The following ZNF609 variants were observed in gnomAD, a reference collection of about 807,000 sequenced individuals.
The protein encoded by ZNF609 is zinc finger protein 609.
A neutral mutation model predicts 109.5 loss-of-function variants in ZNF609; 11 were observed. The observed-to-expected ratio is 0.10, with a 90% confidence interval of 0.06 to 0.17. The LOEUF (loss-of-function observed/expected upper bound fraction) is 0.17. Among genes scored for constraint, ZNF609 ranks in the 10% least tolerant of loss-of-function variants. The pLI is 1.00. For missense variants in ZNF609, 1,559 were observed against 1,772.4 expected (o/e 0.88, Z 2.16); for synonymous variants, 646 against 662.0 (o/e 0.98, Z 0.37).
chr15:64,627,444 A>G (rs1440049003), intron 3 of ZNF609, among the ~76,000 whole-genome samples: 2 of 152,160 alleles, frequency 1.3e-5, no homozygotes, highest in Admixed American at 6.5e-5. Flanking sequence ...GGCCAATACC[A>G]GTGATGTAGT....
chr15:64,665,958 C>T (rs1287224108), intron 3 of ZNF609, among the ~76,000 whole-genome samples: 4 of 151,514 alleles, frequency 2.6e-5, no homozygotes, highest in African/African-American at 9.7e-5. Flanking sequence ...TAAACAAATG[C>T]CAGCTACTCA....
chr15:64,587,802 A>T (rs1481650796), intron 2 of ZNF609, among the ~76,000 whole-genome samples: 1 of 152,172 alleles, frequency 6.6e-6, no homozygotes, highest in South Asian at 2.1e-4. Context: ...CTGATTGTCT[A>T]TGGATGTGGT....
At chr15:64,494,959 A>C (rs79699618) in intron 1 of ZNF609, among the ~76,000 whole-genome samples, 1,979 of 152,308 alleles carry the variant, frequency 0.013, 32 homozygotes, top group African/African-American at 0.046. Context: ...TCTGTAGTAC[A>C]TCCTTTCAGT....
At chr15:64,519,119 C>CG (rs1372403799) in intron 2 of ZNF609, among the ~76,000 whole-genome samples, 2 of 5,670 alleles carry the variant, frequency 3.5e-4, no homozygotes, top group Admixed American at 1.9e-3. Context: ...GGGTGCAGGG[C>CG]GGGGGGCGGG....
intron 2 of ZNF609, among the ~76,000 whole-genome samples, chr15:64,571,171 C>T (rs1261187286): frequency 1.3e-5 from 2 of 151,918 alleles, no homozygotes. Context: ...GGTGTTTATC[C>T]AAGAGGGGAA....
At chr15:64,606,865 T>C (rs1308339461) in intron 2 of ZNF609, among the ~76,000 whole-genome samples, 1 of 151,906 alleles carries the variant, frequency 6.6e-6, no homozygotes, top group Admixed American at 6.6e-5. Flanking sequence ...AGGCATGGGC[T>C]GGGCGTGGTG....
chr15:64,508,869 A>AC (rs1893676413), intron 2 of ZNF609, among the ~76,000 whole-genome samples: 1 of 151,292 alleles, frequency 6.6e-6, no homozygotes, highest in Non-Finnish European at 1.5e-5. Context: ...TAATTTTTAA[A>AC]TTTTTTTAGA....
At chr15:64,604,074 C>T (rs1483483082) in intron 2 of ZNF609, among the ~76,000 whole-genome samples, 1 of 151,190 alleles carries the variant, frequency 6.6e-6, no homozygotes, top group Non-Finnish European at 1.5e-5. Flanking sequence ...AATGATTCTG[C>T]TCCTTTTATA....
At chr15:64,474,439 C>T (rs1250382847) in intron 1 of ZNF609, among the ~76,000 whole-genome samples, 3 of 151,792 alleles carry the variant, frequency 2.0e-5, no homozygotes, top group Non-Finnish European at 4.4e-5. Flanking sequence ...TCTCGAACTC[C>T]CGACCTCAGG....
intron 3 of ZNF609, among the ~76,000 whole-genome samples, chr15:64,641,625 T>G (rs1384880836): frequency 6.6e-6 from 1 of 152,170 alleles, no homozygotes; most frequent in Non-Finnish European, 1.5e-5. Context: ...TTTGAAGACA[T>G]CATTTTCTTT....
At chr15:64,513,104 T>A (rs1260446463) in intron 2 of ZNF609, among the ~76,000 whole-genome samples, 1 of 152,202 alleles carries the variant, frequency 6.6e-6, no homozygotes, top group Non-Finnish European at 1.5e-5. Flanking sequence ...CTATCTATCT[T>A]CTCAGAAGTT....
chr15:64,678,680 T>C (rs1224016117), intron 6 of ZNF609, among the ~76,000 whole-genome samples, 198 bp downstream of exon 6: 1 of 152,216 alleles, frequency 6.6e-6, no homozygotes, highest in African/African-American at 2.4e-5. Context: ...ATAGTCTGTG[T>C]GACTACCTCT....
intron 1 of ZNF609, among the ~76,000 whole-genome samples, chr15:64,488,741 A>G (rs1005825147): frequency 6.6e-6 from 1 of 152,162 alleles, no homozygotes; most frequent in East Asian, 1.9e-4. Flanking sequence ...CTGTTCTGAA[A>G]AATGCTAAAT....
chr15:64,541,839 CAA>C (rs59597800), intron 2 of ZNF609, among the ~76,000 whole-genome samples: 14 of 42,198 alleles, frequency 3.3e-4, no homozygotes, highest in African/African-American at 5.3e-4. Context: ...GACTCCAACT[CAA>C]AAAAAAAAAA....
intron 2 of ZNF609, among the ~76,000 whole-genome samples, chr15:64,513,597 A>G (rs185930467): frequency 6.6e-6 from 1 of 152,238 alleles, no homozygotes; most frequent in African/African-American, 2.4e-5. Context: ...TACTGGCTCC[A>G]TGAATTCAAC....
At chr15:64,640,047 G>A (rs1896230808) in intron 3 of ZNF609, among the ~76,000 whole-genome samples, 1 of 152,110 alleles carries the variant, frequency 6.6e-6, no homozygotes, top group South Asian at 2.1e-4. Flanking sequence ...AGCCTCCTGA[G>A]TAGCTGGGAC....
intron 2 of ZNF609, among the ~76,000 whole-genome samples, chr15:64,613,869 A>G (rs1171007333): frequency 6.7e-6 from 1 of 150,286 alleles, no homozygotes; most frequent in Non-Finnish European, 1.5e-5. Flanking sequence ...ATTGAATGGA[A>G]TTTTGTCTCA....
chr15:64,525,747 A>C lies in ZNF609; in HGVS notation c.747+25581A>C, dbSNP rs554130911. Among the ~76,000 whole-genome samples the C allele has an allele frequency of 8.6e-5, 13 of 152,032 alleles. No individual in the cohort carries two copies. In the South Asian group the frequency reaches 2.5e-3, roughly 29 times the overall value. On this transcript the variant is annotated intron_variant, in intron 2 of 9. Coordinates refer to ENST00000326648, the MANE Select transcript of ZNF609 (RefSeq NM_015042.2). ...ATTTATAACTTCTTTAATTTCCATC[A>C]ATGATGTTTTGTGGTTTTAGTGTAC...
chr15:64,546,852 G>T (rs1294844889), intron 2 of ZNF609, among the ~76,000 whole-genome samples: 1 of 145,694 alleles, frequency 6.9e-6, no homozygotes, highest in Non-Finnish European at 1.5e-5. Flanking sequence ...GTGCAGTGGC[G>T]TGATCCCGGC....
Sources: gnomAD v4.1 joint callset for allele counts (sites outside exome capture counted in the v4.1 genomes callset) on GRCh38, gnomAD v4.1.1 for gene constraint, MANE v1.5 for transcripts, NCBI Gene and HGNC (gene_info 2026-07-23, HGNC 2026-07-21) for gene names.